The following STAU1 variants were observed in gnomAD, a reference collection of about 807,000 sequenced individuals.
STAU1 encodes staufen double-stranded RNA binding protein 1.
In STAU1, 13 loss-of-function variants were observed where a neutral mutation model predicts 62.9. The observed-to-expected ratio is 0.21, with a 90% CI of 0.13 to 0.33. The LOEUF (loss-of-function observed/expected upper bound fraction) is 0.33, where lower values mean the gene tolerates loss of function less well. STAU1 is among the 10% of genes least tolerant of loss of function. The pLI is 1.00. For synonymous variants in STAU1, 269 were observed against 265.1 expected, an observed-to-expected ratio of 1.01 and a Z score of -0.14; for missense variants, 571 against 712.1, an observed-to-expected ratio of 0.80 and a Z score of 2.25.
Position 49,119,961 on chromosome 20 carries a change from CAG to C in STAU1, c.1113+19_1113+20del, listed in dbSNP as rs562628884. Reference sequence around the variant, plus strand: ...GTGAGGCGAGAGACCATCTTGCAATCAGAGAGCCCACAGCACTCACCTTCTCC... The same window carrying C: ...GTGAGGCGAGAGACCATCTTGCAATCAGAGCCCACAGCACTCACCTTCTCC... On this transcript the variant is annotated intron_variant, in intron 9 of 13. Coordinates refer to ENST00000371856, the MANE Select transcript of STAU1 (RefSeq NM_017453.4). 115 of 1,608,104 alleles carry C rather than the reference CAG, an allele frequency of 7.2e-5. No homozygotes were observed. The East Asian group carries it at 2.6e-3, about 36-fold the overall frequency.
intron 5 of STAU1, among the ~76,000 whole-genome samples, chr20:49,149,969 T>G (rs2093214232): frequency 6.6e-6 from 1 of 152,214 alleles, no homozygotes; most frequent in Admixed American, 6.5e-5. Flanking sequence ...ACATGTTTCC[T>G]GGTGAAGAAA....
chr20:49,204,656 T>C, the STAU1 span, among the ~76,000 whole-genome samples: 1 of 60,608 alleles, frequency 1.6e-5, no homozygotes, highest in African/African-American at 4.6e-5. Context: ...ATTTTTTTTT[T>C]TTTTTTTTTT....
At chr20:49,192,698 G>A (rs939756183), upstream of STAU1, among the ~76,000 whole-genome samples, 18 of 152,142 alleles carry the variant, frequency 1.2e-4, no homozygotes, top group Non-Finnish European at 2.1e-4. Flanking sequence ...CTACTTGGGA[G>A]GCTGAAGTGG....
At chr20:49,162,212 A>C (rs1315918106) in intron 3 of STAU1, among the ~76,000 whole-genome samples, 1 of 152,238 alleles carries the variant, frequency 6.6e-6, no homozygotes, top group Non-Finnish European at 1.5e-5. Flanking sequence ...TATAAATAAA[A>C]TAAAATGATG....
chr20:49,217,235 T>G, the STAU1 span, among the ~76,000 whole-genome samples: 1 of 151,738 alleles, frequency 6.6e-6, no homozygotes, highest in Admixed American at 6.6e-5. Flanking sequence ...GAATGCGAAA[T>G]AGAACAAGAC....
chr20:49,186,634 A>G (rs186487688), intron 1 of STAU1, among the ~76,000 whole-genome samples: 66 of 152,234 alleles, frequency 4.3e-4, no homozygotes, highest in African/African-American at 1.6e-3. Flanking sequence ...AGAATTTTTA[A>G]AAACCCAGTA....
chr20:49,196,506 G>A, the STAU1 span, among the ~76,000 whole-genome samples: 25 of 150,980 alleles, frequency 1.7e-4, no homozygotes, highest in African/African-American at 6.1e-4. Context: ...GCAACATGAG[G>A]CCAGGTGTGG....
At chr20:49,195,925 GA>G in the STAU1 span, among the ~76,000 whole-genome samples, 59 of 93,746 alleles carry the variant, frequency 6.3e-4, no homozygotes, top group African/African-American at 1.7e-3. Flanking sequence ...AAAGAAAAAA[GA>G]AAAAAAAAAA....
chr20:49,206,086 C>G, the STAU1 span, among the ~76,000 whole-genome samples: 13 of 149,162 alleles, frequency 8.7e-5, no homozygotes, highest in Admixed American at 5.4e-4. Context: ...TGGGTTCAAG[C>G]GATTCTCTGC....
At chr20:49,193,732 G>A in the STAU1 span, among the ~76,000 whole-genome samples, 41 of 152,180 alleles carry the variant, frequency 2.7e-4, no homozygotes, top group Non-Finnish European at 5.9e-5. Context: ...ACTTTGGGAG[G>A]CCAAGGCAGG....
intron 3 of STAU1, chr20:49,158,502 A>T (rs911589469): frequency 1.8e-5 from 24 of 1,304,302 alleles, no homozygotes; most frequent in Non-Finnish European, 2.3e-5. Flanking sequence ...CTTCCACTAA[A>T]GGAAAAAAAC....
At chr20:49,165,869 T>C in intron 3 of STAU1, 128 bp downstream of exon 3, 3 of 868,770 alleles carry the variant, frequency 3.5e-6, no homozygotes, top group Non-Finnish European at 5.5e-6. Flanking sequence ...TAAAGAAGTG[T>C]GGGTGGTGAT....
chr20:49,126,374 C>G, intron 6 of STAU1, among the ~76,000 whole-genome samples: 1 of 151,064 alleles, frequency 6.6e-6, no homozygotes. Context: ...CCAGCCTGGC[C>G]AATACAGCAA....
chr20:49,193,101 G>T (rs1240423471), upstream of STAU1, among the ~76,000 whole-genome samples: 6 of 152,152 alleles, frequency 3.9e-5, no homozygotes, highest in East Asian at 1.2e-3. Context: ...TCAAGGCTGG[G>T]TGCAGTGACT....
chr20:49,136,760 C>T (rs2092893684), intron 5 of STAU1, among the ~76,000 whole-genome samples: 1 of 151,804 alleles, frequency 6.6e-6, no homozygotes, highest in Admixed American at 6.6e-5. Flanking sequence ...TGCAGTGGCG[C>T]GATTTTGGCT....
intron 8 of STAU1, among the ~76,000 whole-genome samples, chr20:49,122,577 T>C (rs1400136515): frequency 6.6e-6 from 1 of 152,214 alleles, no homozygotes; most frequent in Non-Finnish European, 1.5e-5. Flanking sequence ...CAGATTTCTG[T>C]GGTATGTTTA....
At chr20:49,196,465 A>G in the STAU1 span, among the ~76,000 whole-genome samples, 1 of 147,748 alleles carries the variant, frequency 6.8e-6, no homozygotes, top group Admixed American at 6.7e-5. Context: ...AAAAAAGAAG[A>G]AGAAGAAGAA....
chr20:49,198,918 G>T, the STAU1 span, among the ~76,000 whole-genome samples: 1 of 151,704 alleles, frequency 6.6e-6, no homozygotes, highest in Non-Finnish European at 1.5e-5. Context: ...AGCCAAGATC[G>T]TGCCACTACA....
At chr20:49,141,768 CAA>C (rs1568865194) in intron 5 of STAU1, among the ~76,000 whole-genome samples, 2 of 151,740 alleles carry the variant, frequency 1.3e-5, no homozygotes, top group Non-Finnish European at 2.9e-5. Context: ...GACTCTGTCT[CAA>C]AAAAAGAGGC....
Sources: gnomAD v4.1 joint callset for allele counts (sites outside exome capture counted in the v4.1 genomes callset) on GRCh38, gnomAD v4.1.1 for gene constraint, MANE v1.5 for transcripts, NCBI Gene and HGNC (gene_info 2026-07-23, HGNC 2026-07-21) for gene names.